ERBB4: variants seen among roughly 807,000 people sequenced by gnomAD.
The protein encoded by ERBB4 is erb-b2 receptor tyrosine kinase 4.
A neutral mutation model predicts 158.0 loss-of-function variants in ERBB4; 42 were observed. That is an observed-to-expected ratio of 0.27 (90% CI 0.21 to 0.34). The LOEUF is 0.34. ERBB4 is among the 10% of genes least tolerant of loss of function. ERBB4 has a pLI of 1.00. For synonymous variants in ERBB4, 583 were observed against 558.7 expected, an observed-to-expected ratio of 1.04 and a Z score of -0.61; for missense variants, 1,333 against 1,624.1, an observed-to-expected ratio of 0.82 and a Z score of 3.08.
At chr2:211,913,538 T>G (rs2079592773) in intron 3 of ERBB4, among the ~76,000 whole-genome samples, 1 of 151,258 alleles carries the variant, frequency 6.6e-6, no homozygotes, top group Non-Finnish European at 1.5e-5. Flanking sequence ...GAGGTGGAGG[T>G]TGCAGTGAGC....
At chr2:212,066,181 A>G (rs947475164) in intron 2 of ERBB4, among the ~76,000 whole-genome samples, 5 of 151,958 alleles carry the variant, frequency 3.3e-5, no homozygotes, top group Non-Finnish European at 7.4e-5. Context: ...GAGTAAATTT[A>G]AAGTCCTCTG....
chr2:211,778,767 T>G (rs2075959899), intron 4 of ERBB4: 1 of 152,320 alleles, frequency 6.6e-6, no homozygotes, highest in East Asian at 1.9e-4. Context: ...TTACCACTAT[T>G]ATTAACATAA....
rs924109894 is a variant in ERBB4 at position 212,034,352 on chromosome 2, C to A, written c.235-86736G>T. ...AAATATATAAAAAGGAAATAAATAT[C>A]TAATAAGTCAATATGGCTTTATTAG... On this transcript the variant is annotated intron_variant, in intron 2 of 27. Transcript: ENST00000342788. 2.0e-5 allele frequency among the ~76,000 whole-genome samples: 3 copies of A among 152,020 alleles called. No individual in the cohort carries two copies. In the East Asian group the frequency reaches 5.8e-4, roughly 29 times the overall value.
intron 1 of ERBB4, among the ~76,000 whole-genome samples, chr2:212,343,429 A>C (rs1292546014): frequency 6.6e-6 from 1 of 152,202 alleles, no homozygotes; most frequent in African/African-American, 2.4e-5. Flanking sequence ...AATGATAGGA[A>C]TAACACATGA....
At chr2:211,944,176 A>ATAGTATATATATATATAGT (rs1559154416) in intron 3 of ERBB4, among the ~76,000 whole-genome samples, 2 of 16,292 alleles carry the variant, frequency 1.2e-4, no homozygotes, top group Admixed American at 1.8e-3. Flanking sequence ...ATATATATAT[A>ATAGTATATATATATATAGT]CTATATATAT....
intron 2 of ERBB4, among the ~76,000 whole-genome samples, chr2:212,093,731 A>G (rs546652779): frequency 2.0e-5 from 3 of 152,332 alleles, no homozygotes; most frequent in African/African-American, 7.2e-5. Flanking sequence ...ATTGTGACAT[A>G]TACTCAGCAG....
At chr2:211,523,117 C>T (rs1284989192) in intron 20 of ERBB4, among the ~76,000 whole-genome samples, 1 of 146,968 alleles carries the variant, frequency 6.8e-6, no homozygotes, top group Non-Finnish European at 1.5e-5. Context: ...ACAGAAGGCC[C>T]CACTGACAGT....
chr2:212,119,179 A>T (rs531565977), intron 2 of ERBB4, among the ~76,000 whole-genome samples: 162 of 152,242 alleles, frequency 1.1e-3, no homozygotes, highest in Middle Eastern at 3.4e-3. Context: ...AATAATTTGC[A>T]CACAACTAAA....
chr2:211,682,415 C>G (rs1394240685), intron 12 of ERBB4, among the ~76,000 whole-genome samples: 3 of 152,100 alleles, frequency 2.0e-5, no homozygotes, highest in African/African-American at 7.2e-5. Context: ...CTGGTGAGGG[C>G]AATCTGTTTC....
At chr2:212,235,947 A>G (rs556903448) in intron 1 of ERBB4, among the ~76,000 whole-genome samples, 2 of 152,292 alleles carry the variant, frequency 1.3e-5, no homozygotes, top group Admixed American at 1.3e-4. Context: ...TCCTATTTGA[A>G]TACCCTTTAC....
rs547097093 is a variant in ERBB4, at chr2:212,087,275, T to C, written c.234+37477A>G. ...ATTTTTCCTATGTTGCTTAGAGACT[T>C]AGGAACACTTCCACAGAAAGCAAAT... is the stretch of plus-strand genomic sequence containing the variant. On this transcript the variant is annotated intron_variant, in intron 2 of 27. Coordinates refer to ENST00000342788, the MANE Select transcript of ERBB4 (RefSeq NM_005235.3). Among the ~76,000 whole-genome samples, 105 of 103,780 alleles carry C rather than the reference T, an allele frequency of 1.0e-3. 1 individual carries two copies. The highest frequency in any genetic ancestry group is 2.8e-3 in the African/African-American group (94 of 33,888). 68.1% of individuals were successfully genotyped at this position (103,780 alleles called of 152,430 possible).
At position 211,995,798 on chromosome 2, in the gene ERBB4, T is replaced by C. The variant is rs78474775; in HGVS notation, c.235-48182A>G. On this transcript the variant is annotated intron_variant, in intron 2 of 27. Transcript: ENST00000342788. Reference sequence around the variant, plus strand: ...GTAATGTGACTTCACCCAGCAAAGCTTTCCAGCTGCTGAGGCTGGAATAAG... The same window carrying C: ...GTAATGTGACTTCACCCAGCAAAGCCTTCCAGCTGCTGAGGCTGGAATAAG... 6.2e-3 allele frequency among the ~76,000 whole-genome samples: 943 copies of C among 152,280 alleles called. 54 individuals carry two copies. The East Asian group carries it at 0.13, about 22-fold the overall frequency.
At chr2:212,340,231 C>T (rs4672645) in intron 1 of ERBB4, among the ~76,000 whole-genome samples, 53,438 of 151,716 alleles carry the variant, frequency 0.35, 11,353 homozygotes, top group East Asian at 0.78. Flanking sequence ...TCCATGATCT[C>T]AAATTATTTT....
chr2:211,752,654 ATTT>A (rs1419437423), intron 4 of ERBB4, among the ~76,000 whole-genome samples: 2 of 152,068 alleles, frequency 1.3e-5, no homozygotes, highest in African/African-American at 4.8e-5. Flanking sequence ...TACTCGATTA[ATTT>A]TTTAACTTCT....
chr2:212,121,774 A>C (rs541902869), intron 2 of ERBB4, among the ~76,000 whole-genome samples: 1 of 152,260 alleles, frequency 6.6e-6, no homozygotes, highest in South Asian at 2.1e-4. Flanking sequence ...AAAACAGTAC[A>C]CACTAAGTAC....
intron 1 of ERBB4, among the ~76,000 whole-genome samples, chr2:212,332,195 T>C (rs2088210571): frequency 6.6e-6 from 1 of 152,108 alleles, no homozygotes; most frequent in South Asian, 2.1e-4. Flanking sequence ...ACTGTTCTCA[T>C]GGTAGTGAGT....
intron 20 of ERBB4, among the ~76,000 whole-genome samples, chr2:211,461,194 G>C (rs1410457904): frequency 2.0e-5 from 3 of 152,032 alleles, no homozygotes; most frequent in Non-Finnish European, 4.4e-5. Flanking sequence ...CTTCATTACT[G>C]TATATTTTTT....
intron 2 of ERBB4, among the ~76,000 whole-genome samples, chr2:212,024,177 A>C (rs2076721493): frequency 1.3e-5 from 2 of 151,910 alleles, no homozygotes; most frequent in Admixed American, 6.6e-5. Context: ...GCATAAATGG[A>C]CACAGAGTGT....
At chr2:212,354,090 G>C (rs1221152363) in intron 1 of ERBB4, among the ~76,000 whole-genome samples, 2 of 152,094 alleles carry the variant, frequency 1.3e-5, no homozygotes, top group South Asian at 4.2e-4. Flanking sequence ...TCTCTTACCT[G>C]GCTCATCCTT....
Sources: allele counts gnomAD v4.1 joint callset (sites outside exome capture counted in the v4.1 genomes callset), GRCh38; gene constraint gnomAD v4.1.1; transcripts MANE v1.5; gene names NCBI Gene and HGNC (gene_info 2026-07-23, HGNC 2026-07-21).